Variants in COL5A2 observed in about 807,000 individuals in gnomAD.
COL5A2 encodes collagen type V alpha 2 chain, also known as collagen alpha-2(V) chain.
Under a neutral mutation model 208.2 loss-of-function variants are expected in COL5A2, and 23 were observed. That is an observed-to-expected ratio of 0.11 (90% confidence interval 0.08 to 0.16). COL5A2 has a LOEUF of 0.16. Among genes scored for constraint, COL5A2 ranks in the 10% least tolerant of loss-of-function variants. The probability of loss-of-function intolerance (pLI) is 1.00; values close to 1 mark genes in which losing one functional copy is unlikely to be tolerated. For missense variants in COL5A2, 1,590 were observed against 1,956.4 expected, an observed-to-expected ratio of 0.81 and a Z score of 3.53; for synonymous variants, 625 against 628.5, an observed-to-expected ratio of 0.99 and a Z score of 0.08.
At chr2:189,096,135 T>C (rs1268026560) in intron 6 of COL5A2, 1 of 152,206 alleles carries the variant, frequency 6.6e-6, no homozygotes, top group Non-Finnish European at 1.5e-5. Context: ...ATCTAAAATA[T>C]ATTTTATCCT....
chr2:189,130,504 T>C (rs776698012), intron 1 of COL5A2, among the ~76,000 whole-genome samples: 24 of 152,056 alleles, frequency 1.6e-4, no homozygotes, highest in Non-Finnish European at 2.9e-4. Context: ...TGAAGCAGGG[T>C]ATCTATGTGT....
At chr2:189,413,534 T>C in the COL5A2 span, among the ~76,000 whole-genome samples, 8 of 152,254 alleles carry the variant, frequency 5.3e-5, no homozygotes, top group Admixed American at 2.6e-4. Flanking sequence ...AAGGTGTGCA[T>C]TGCAGGGAAG....
At chr2:189,133,369 G>A (rs890821482) in intron 1 of COL5A2, among the ~76,000 whole-genome samples, 2 of 151,572 alleles carry the variant, frequency 1.3e-5, no homozygotes, top group African/African-American at 4.9e-5. Context: ...TCCACCCACC[G>A]CGGCCCCCCA....
the COL5A2 span, among the ~76,000 whole-genome samples, chr2:189,334,024 T>C: frequency 1.8e-4 from 27 of 151,092 alleles, no homozygotes; most frequent in African/African-American, 6.7e-4. Context: ...TATAATACAG[T>C]AATCTCAATA....
At chr2:189,307,658 C>G in the COL5A2 span, among the ~76,000 whole-genome samples, 1 of 152,124 alleles carries the variant, frequency 6.6e-6, no homozygotes, top group Non-Finnish European at 1.5e-5. Flanking sequence ...GTCAGGTATT[C>G]TTAGCCTCTA....
the COL5A2 span, chr2:189,311,865 C>T: frequency 2.0e-5 from 26 of 1,268,450 alleles, no homozygotes; most frequent in Non-Finnish European, 2.8e-5. Flanking sequence ...GCAATCTGGG[C>T]TTGTAGGCCT....
chr2:189,233,813 C>T, the COL5A2 span, among the ~76,000 whole-genome samples: 4 of 147,158 alleles, frequency 2.7e-5, no homozygotes, highest in Admixed American at 6.8e-5. Context: ...TGCTGTGTTA[C>T]CAGAATTTTT....
At chr2:189,248,041 A>G in the COL5A2 span, among the ~76,000 whole-genome samples, 2 of 152,222 alleles carry the variant, frequency 1.3e-5, no homozygotes, top group Non-Finnish European at 2.9e-5. Context: ...TCACATGGAA[A>G]TACTTTATAC....
intron 2 of COL5A2, among the ~76,000 whole-genome samples, chr2:189,109,929 C>G (rs191980641): frequency 4.6e-5 from 7 of 152,112 alleles, no homozygotes. Flanking sequence ...AGGCACTCAT[C>G]ATGCATATGG....
At chr2:189,352,566 T>C in the COL5A2 span, among the ~76,000 whole-genome samples, 1 of 152,214 alleles carries the variant, frequency 6.6e-6, no homozygotes, top group African/African-American at 2.4e-5. Flanking sequence ...AAGCTTTTTT[T>C]CGTATGTTTG....
At chr2:189,331,462 A>G in the COL5A2 span, among the ~76,000 whole-genome samples, 1 of 152,120 alleles carries the variant, frequency 6.6e-6, no homozygotes, top group African/African-American at 2.4e-5. Context: ...CTGGAGGGAG[A>G]TAATTGAATA....
the COL5A2 span, among the ~76,000 whole-genome samples, chr2:189,268,483 C>G: frequency 1.3e-5 from 2 of 152,168 alleles, no homozygotes; most frequent in East Asian, 3.9e-4. Flanking sequence ...GACAAACACC[C>G]TACATCTGAG....
the COL5A2 span, among the ~76,000 whole-genome samples, chr2:189,339,334 G>A: frequency 1.4e-5 from 2 of 144,426 alleles, no homozygotes; most frequent in African/African-American, 5.2e-5. Context: ...CTATACAACA[G>A]AGTAAGACTC....
chr2:189,134,264 T>TTTGGCAA (rs1687782576), intron 1 of COL5A2, among the ~76,000 whole-genome samples: 1 of 152,128 alleles, frequency 6.6e-6, no homozygotes, highest in Non-Finnish European at 1.5e-5. Flanking sequence ...AAATATAACC[T>TTTGGCAA]TTTGGCAATT....
chr2:189,304,420 G>A, the COL5A2 span, among the ~76,000 whole-genome samples: 1 of 152,180 alleles, frequency 6.6e-6, no homozygotes, highest in Non-Finnish European at 1.5e-5. Flanking sequence ...AAAGAAAAGA[G>A]GTTTAATTGG....
In COL5A2 at chr2:189,072,076, T is replaced by C. The variant is rs767981924; in HGVS notation, c.1122A>G (p.Pro374=). The change falls in exon 18 of 54, where the codon CCA becomes CCG. Residue 374 remains proline, a synonymous_variant. Transcript: ENST00000374866. ...KPGPMGPLGI[P]GSSGFPGNPG... is the part of the protein sequence containing the mutation. ...GATTTCCTGGAAAACCAGAAGAGCC[T>C]GGTATCCCAAGAGGACCCTATTAAA... 3.1e-6 allele frequency: 5 copies of C among 1,608,748 alleles called. No individual in the cohort carries two copies. The highest frequency in any genetic ancestry group is 3.4e-6 in the Non-Finnish European group (4 of 1,176,412).
At chr2:189,336,076 T>C in the COL5A2 span, among the ~76,000 whole-genome samples, 3 of 151,868 alleles carry the variant, frequency 2.0e-5, no homozygotes, top group African/African-American at 4.8e-5. Flanking sequence ...TAAAAATGGG[T>C]AGAAGAATTG....
intron 1 of COL5A2, among the ~76,000 whole-genome samples, chr2:189,187,074 C>G (rs1576579919): frequency 6.6e-6 from 1 of 152,164 alleles, no homozygotes; most frequent in African/African-American, 2.4e-5. Context: ...TATGGAGAGT[C>G]TTGTGAGCCA....
chr2:189,068,112 C>A lies in COL5A2; in HGVS notation c.1304G>T (p.Gly435Val). ...DGTPGAKGPT[G>V]SPGTSGPPGS... ...AGGAGGACCAGAGGTACCTGGAGAG[C>A]CCTATTAAACAGCAAGAGTGATGTG... is the stretch of plus-strand genomic sequence containing the variant. The change falls in exon 21 of 54, where the codon GGC (glycine) becomes GTC (valine). Residue 435 changes from glycine to valine, a missense_variant and splice_region_variant. Gly to Val is a moderately radical substitution (Grantham distance 109). Transcript: ENST00000374866. The A allele has an allele frequency of 6.2e-7, 1 of 1,612,588 alleles. No individual in the cohort carries two copies. The highest frequency in any genetic ancestry group is 8.5e-7 in the Non-Finnish European group (1 of 1,178,676).
Sources: gnomAD v4.1 joint callset for allele counts (sites outside exome capture counted in the v4.1 genomes callset) on GRCh38, gnomAD v4.1.1 for gene constraint, MANE v1.5 for transcripts, NCBI Gene and HGNC (gene_info 2026-07-23, HGNC 2026-07-21) for gene names.